The following LIMK1 variants were observed in gnomAD, a reference collection of about 807,000 sequenced individuals.
LIMK1 encodes LIM motif-containing protein kinase.
Under a neutral mutation model 77.6 loss-of-function variants are expected in LIMK1, and 21 were observed. That is an observed-to-expected ratio of 0.27 (90% CI 0.19 to 0.39). LIMK1 has a LOEUF of 0.39. Ranked by LOEUF, LIMK1 falls within the 10% of genes least tolerant of loss-of-function variation. The pLI is 1.00. For synonymous variants in LIMK1, 358 were observed against 370.0 expected (o/e 0.97, Z 0.37); for missense variants, 696 against 901.6 (o/e 0.77, Z 2.92).
chr7:74,084,017 C>T lies in LIMK1; in HGVS notation c.27C>T (p.Thr9=). 2 of 1,491,556 alleles carry T rather than the reference C, an allele frequency of 1.3e-6. No individual in the cohort carries two copies. Among genetic ancestry groups the T allele is most frequent in the Non-Finnish European group, 1.8e-6 (2 of 1,114,948 alleles). The allele number at this position is 1,491,556 out of a possible 1,614,324, so 92.4% of individuals were successfully genotyped here. A position where few individuals can be genotyped will look rare whatever the true frequency, so the allele number is the denominator to read the frequency against. MRLTLLCC[T]WREERMGEEG... ...TGAGGTTGACGCTACTTTGTTGCAC[C>T]TGGAGGGAAGAACGTATGGGAGAGG... Residue 9 remains threonine (T), a synonymous_variant, in exon 1 of 16, where the codon ACC becomes ACT. Coordinates refer to ENST00000336180, the MANE Select transcript of LIMK1 (RefSeq NM_002314.4).
chr7:74,090,213 A>G (rs553538874), intron 2 of LIMK1, among the ~76,000 whole-genome samples: 1 of 152,028 alleles, frequency 6.6e-6, no homozygotes, highest in South Asian at 2.1e-4. Flanking sequence ...CATCTCTACT[A>G]AAAATACAAA....
In LIMK1 at chr7:74,109,032, G is replaced by A; in HGVS notation, c.1280G>A (p.Ser427Asn). 1.2e-6 allele frequency: 2 copies of A among 1,612,664 alleles called. No homozygotes were observed. The highest frequency in any genetic ancestry group is 1.7e-6 in the Non-Finnish European group (2 of 1,179,306). Residue 427 changes from serine to asparagine, a missense_variant, in exon 10 of 16, where the codon AGC (serine) becomes AAC (asparagine). By Grantham distance (46) the Ser-to-Asn change is conservative. Coordinates refer to ENST00000336180, the MANE Select transcript of LIMK1 (RefSeq NM_002314.4). ...KGGTLRGIIK[S>N]MDSQYPWSQR... Reference sequence around the variant, plus strand: ...GGCACGCTCCGGGGCATCATCAAGAGCATGGTGAGTCCTGGGCAGAGCCAG... The same window carrying A: ...GGCACGCTCCGGGGCATCATCAAGAACATGGTGAGTCCTGGGCAGAGCCAG...
chr7:74,096,592 G>A (rs1343740246), intron 2 of LIMK1, 30 bp from the exon 3 acceptor site: 2 of 1,613,584 alleles, frequency 1.2e-6, no homozygotes, highest in East Asian at 4.5e-5. Flanking sequence ...GGGCGGGAGT[G>A]GACGTCTCAG....
chr7:74,108,956 G>T lies in LIMK1; in HGVS notation c.1204G>T (p.Val402Leu), dbSNP rs1554698125. ...EHPNVLKFIG[V>L]LYKDKRLNFI... The stretch of plus-strand genomic sequence containing the variant: ...CCCCAACGTGCTCAAGTTCATCGGG[G>T]TGCTCTACAAGGACAAGAGGCTCAA... Residue 402 changes from valine (V) to leucine (L), a missense_variant, in exon 10 of 16, where the codon GTG (valine) becomes TTG (leucine). This residue lies in a region of LIMK1 where 438 missense variants were observed against 602.3 expected (regional missense o/e 0.73). Coordinates refer to ENST00000336180, the MANE Select transcript of LIMK1 (RefSeq NM_002314.4). The T allele has an allele frequency of 1.2e-6, 2 of 1,614,078 alleles. No individual in the cohort carries two copies. Among genetic ancestry groups the T allele is most frequent in the Admixed American group, 1.7e-5 (1 of 60,000 alleles).
rs1458835070 is a variant in LIMK1 at position 74,083,835 on chromosome 7, C to A, written c.-156C>A. On this transcript the variant is annotated 5_prime_UTR_variant, in exon 1 of 16. Coordinates refer to ENST00000336180, the MANE Select transcript of LIMK1 (RefSeq NM_002314.4). ...TCCCCAAGCCGCCGCGGCGCCGAGC[C>A]GGTTTCCCCGCCGGTGTCCGAGAGG... is the stretch of plus-strand genomic sequence containing the variant. The A allele has an allele frequency of 3.4e-5, 5 of 145,958 alleles. No homozygotes were observed. The highest frequency in any genetic ancestry group is 1.9e-4 in the South Asian group (1 of 5,176). The allele number at this position is 145,958 out of a possible 1,614,324, so 9.0% of individuals were successfully genotyped here.
chr7:74,116,746 G>T (rs1554699571), intron 13 of LIMK1, among the ~76,000 whole-genome samples: 2 of 150,420 alleles, frequency 1.3e-5, no homozygotes, highest in African/African-American at 2.4e-5. Context: ...CTGTTACTCA[G>T]GCTGGAGTGC....
In LIMK1 at chr7:74,099,248, C is replaced by T. The variant is rs782488303; in HGVS notation, c.608+10C>T. 1.3e-4 allele frequency: 206 copies of T among 1,599,350 alleles called. 1 individual carries two copies. In the Admixed American group the frequency reaches 2.3e-3, roughly 18 times the overall value. On this transcript the variant is annotated intron_variant, in intron 5 of 15. Coordinates refer to ENST00000336180, the MANE Select transcript of LIMK1 (RefSeq NM_002314.4). Reference sequence around the variant, plus strand: ...CCGTCCGCGTCCAGGGGTGAGTGGCCGGCCTGCCGAGGCTGCCGTCGGTGT... The same window carrying T: ...CCGTCCGCGTCCAGGGGTGAGTGGCTGGCCTGCCGAGGCTGCCGTCGGTGT...
At chr7:74,110,132 G>A (rs1270681344) in intron 10 of LIMK1, 1 of 152,172 alleles carries the variant, frequency 6.6e-6, no homozygotes, top group African/African-American at 2.4e-5. Flanking sequence ...AGGGTCACTA[G>A]AGGTCAGGAG....
chr7:74,113,397 G>A (rs1315452956), intron 12 of LIMK1, among the ~76,000 whole-genome samples: 1 of 151,714 alleles, frequency 6.6e-6, no homozygotes, highest in African/African-American at 2.4e-5. Flanking sequence ...AGGCCGAAGT[G>A]GGTGGATCAC....
intron 13 of LIMK1, among the ~76,000 whole-genome samples, chr7:74,119,084 A>G (rs987933736): frequency 6.7e-6 from 1 of 150,208 alleles, no homozygotes; most frequent in Non-Finnish European, 1.5e-5. Context: ...TTTAGTAGAG[A>G]CGGGGTTTCA....
intron 2 of LIMK1, among the ~76,000 whole-genome samples, chr7:74,090,029 A>G (rs2237501): frequency 0.11 from 16,016 of 152,088 alleles, 860 homozygotes; most frequent in Non-Finnish European, 0.12. Context: ...GTGAGTCCCC[A>G]GGTCAGGGCA....
rs1402366146 is a variant in LIMK1 at position 74,083,953 on chromosome 7, A to C, written c.-38A>C. On this transcript the variant is annotated 5_prime_UTR_variant, in exon 1 of 16. Coordinates refer to ENST00000336180, the MANE Select transcript of LIMK1 (RefSeq NM_002314.4). ...CGAGCTCGCGGGCCCGGCCGCCCCC[A>C]GCCCCAGCCCCGCCGGGCCCCGCCC... is the stretch of plus-strand genomic sequence containing the variant. The C allele has an allele frequency of 4.1e-5, 32 of 786,974 alleles. No individual in the cohort carries two copies. The highest frequency in any genetic ancestry group is 5.0e-5 in the Non-Finnish European group (29 of 585,190). 48.7% of individuals were successfully genotyped at this position (786,974 alleles called of 1,614,324 possible).
rs1425674200 is a variant in LIMK1, at chr7:74,106,176, C to G, written c.814C>G (p.Pro272Ala). Residue 272 changes from proline to alanine, a missense_variant, in exon 7 of 16, where the codon CCC becomes GCC. This residue lies in a region of LIMK1 where 438 missense variants were observed against 602.3 expected (regional missense o/e 0.73). Coordinates refer to ENST00000336180, the MANE Select transcript of LIMK1 (RefSeq NM_002314.4). ...LGHGLGPETSPLSSPAYTPSG... is the reference protein window; with the variant it reads ...LGHGLGPETSALSSPAYTPSG... Reference sequence around the variant, plus strand: ...CCACGGGCTGGGGCCTGAGACCAGCCCCCTGAGCTCTCCGGCTTATACTCC... The same window carrying G: ...CCACGGGCTGGGGCCTGAGACCAGCGCCCTGAGCTCTCCGGCTTATACTCC... The G allele has an allele frequency of 2.5e-6, 4 of 1,613,900 alleles. No individual in the cohort carries two copies. The highest frequency in any genetic ancestry group is 1.3e-5 in the African/African-American group (1 of 74,924).
chr7:74,115,770 G>A, intron 12 of LIMK1, 32 bp from the exon 13 acceptor site: 4 of 1,609,292 alleles, frequency 2.5e-6, no homozygotes, highest in Non-Finnish European at 3.4e-6. Flanking sequence ...ACTAGGATCG[G>A]GTCCCAGCAT....
In LIMK1 at chr7:74,097,107, G is replaced by A. The variant is rs782628948; in HGVS notation, c.319G>A (p.Glu107Lys). The stretch of plus-strand genomic sequence containing the variant: ...GGCTGGGGAGCTGAAGTACCACCCC[G>A]AGTGTTTCATCTGCCTCACGTGTGG... ...MVAGELKYHPECFICLTCGTF... is the reference protein window; with the variant it reads ...MVAGELKYHPKCFICLTCGTF... Residue 107 changes from glutamate to lysine, a missense_variant, in exon 4 of 16, where the codon GAG (glutamate) becomes AAG (lysine). Around this residue, in one of 3 missense-constraint regions of LIMK1, gnomAD observed 252 missense variants for 279.4 expected, o/e 0.90. Coordinates refer to ENST00000336180, the MANE Select transcript of LIMK1 (RefSeq NM_002314.4). 3.7e-6 allele frequency: 6 copies of A among 1,613,450 alleles called. No homozygotes were observed. The highest frequency in any genetic ancestry group is 1.7e-6 in the Non-Finnish European group (2 of 1,179,824).
intron 2 of LIMK1, among the ~76,000 whole-genome samples, chr7:74,094,963 A>G (rs1554695366): frequency 6.6e-6 from 1 of 150,404 alleles, no homozygotes; most frequent in East Asian, 1.9e-4. Context: ...CTTTACTCCC[A>G]CCCCTTCCCC....
rs375815129 is a variant in LIMK1 at position 74,115,898 on chromosome 7, C to T, written c.1507C>T (p.Arg503Cys). The T allele has an allele frequency of 1.5e-5, 24 of 1,614,134 alleles. No homozygotes were observed. Among genetic ancestry groups the T allele is most frequent in the Non-Finnish European group, 1.9e-5 (23 of 1,180,012 alleles). ...EGLRSLKKPD[R>C]KKRYTVVGNP... Reference sequence around the variant, plus strand: ...CCTGCGGAGCCTCAAGAAGCCAGACCGCAAGAAGCGCTACACCGTGGTGGG... The same window carrying T: ...CCTGCGGAGCCTCAAGAAGCCAGACTGCAAGAAGCGCTACACCGTGGTGGG... The change falls in exon 13 of 16, where the codon CGC becomes TGC. Residue 503 changes from arginine (R) to cysteine (C), a missense_variant. Arg to Cys is a radical substitution (Grantham distance 180, BLOSUM62 -3). Transcript: ENST00000336180.
chr7:74,120,803 G>A (rs547334198), intron 14 of LIMK1, 89 bp from the exon 15 acceptor site: 15 of 1,581,372 alleles, frequency 9.5e-6, no homozygotes, highest in Non-Finnish European at 1.2e-5. Flanking sequence ...GCCAGGCCCA[G>A]TGCCACCTGC....
intron 12 of LIMK1, chr7:74,115,583 G>A: frequency 1.9e-6 from 1 of 531,922 alleles, no homozygotes; most frequent in South Asian, 2.4e-5. Flanking sequence ...TGGTGGGAGG[G>A]AGGAAGCCAC....
Sources: allele counts gnomAD v4.1 joint callset (sites outside exome capture counted in the v4.1 genomes callset), GRCh38; gene constraint gnomAD v4.1.1; regional missense constraint gnomAD v4.1.1; transcripts MANE v1.5; gene names NCBI Gene and HGNC (gene_info 2026-07-23, HGNC 2026-07-21).